Variants in PALS2 observed in about 807,000 individuals in gnomAD.
The protein encoded by PALS2 is protein PALS2.
PALS2 carries 27 observed loss-of-function variants against 61.6 expected under a neutral mutation model. That is an observed-to-expected ratio of 0.44 (90% CI 0.32 to 0.60). The LOEUF is 0.60. Ranked by LOEUF, PALS2 falls within the 20% of genes least tolerant of loss-of-function variation. The pLI is 0.05. For synonymous variants in PALS2, 236 were observed against 218.6 expected (o/e 1.08, Z -0.70); for missense variants, 554 against 639.4 (o/e 0.87, Z 1.44).
intron 5 of PALS2, 181 bp from the exon 6 acceptor site, chr7:24,663,402 ATCTTTCT>A (rs1786842328): frequency 2.2e-6 from 1 of 456,672 alleles, no homozygotes; most frequent in Non-Finnish European, 3.6e-6. Context: ...AAGTTTTATT[ATCTTTCT>A]GATACCAAAA....
At chr7:24,644,654 A>G (rs369483897) in intron 3 of PALS2, among the ~76,000 whole-genome samples, 4 of 152,202 alleles carry the variant, frequency 2.6e-5, no homozygotes, top group Admixed American at 6.5e-5. Flanking sequence ...TCCTCTGGGT[A>G]TATACCCAGT....
At chr7:24,623,472 TATTA>T (rs1784608725) in intron 1 of PALS2, among the ~76,000 whole-genome samples, 190 bp from the exon 2 acceptor site, 2 of 152,150 alleles carry the variant, frequency 1.3e-5, no homozygotes, top group East Asian at 1.9e-4. Flanking sequence ...TCTATCCTGC[TATTA>T]ATTCCTGGGA....
intron 1 of PALS2, among the ~76,000 whole-genome samples, chr7:24,579,771 GT>G (rs1782768492): frequency 6.6e-6 from 1 of 152,096 alleles, no homozygotes; most frequent in Non-Finnish European, 1.5e-5. Flanking sequence ...TTTATAAAAA[GT>G]GATTTTCAAT....
At position 24,671,476 on chromosome 7, in the gene PALS2, G is replaced by T. The variant is rs146806191; in HGVS notation, c.1114+2816G>T. ...GTATTAATATTTTCTCTCATTCTTT[G>T]TTGACTTCTCGTGTTTTTGATGGTG... On this transcript the variant is annotated intron_variant, in intron 9 of 11. Transcript: ENST00000222644. 4.0e-4 allele frequency among the ~76,000 whole-genome samples: 61 copies of T among 152,172 alleles called. 1 individual carries two copies. Among genetic ancestry groups the T allele is most frequent in the Middle Eastern group, 3.4e-3 (1 of 294 alleles).
At chr7:24,601,197 C>T (rs897816399) in intron 1 of PALS2, among the ~76,000 whole-genome samples, 1 of 152,092 alleles carries the variant, frequency 6.6e-6, no homozygotes, top group Non-Finnish European at 1.5e-5. Context: ...CTTCCAATCC[C>T]TCAGTTCTTT....
intron 5 of PALS2, among the ~76,000 whole-genome samples, chr7:24,654,112 T>G (rs1204026955): frequency 6.6e-6 from 1 of 152,136 alleles, no homozygotes; most frequent in African/African-American, 2.4e-5. Flanking sequence ...TCCAAGACCC[T>G]TGGACACTGC....
In PALS2 at chr7:24,690,528, A is replaced by G. The variant is rs558003210; in HGVS notation, c.*2914A>G. On this transcript the variant is annotated 3_prime_UTR_variant, in exon 12 of 12. Transcript: ENST00000222644. ...GTGTCCACATTTCAGCACTCAGGGC[A>G]TGACTGTACACAACCTAAGACTATA... The G allele has an allele frequency of 2.6e-5, 4 of 152,340 alleles. No individual in the cohort carries two copies. The South Asian group carries it at 8.3e-4, about 32-fold the overall frequency. 9.4% of individuals were successfully genotyped at this position (152,340 alleles called of 1,614,324 possible).
chr7:24,625,833 A>G (rs1335086161), intron 2 of PALS2, among the ~76,000 whole-genome samples: 1 of 152,186 alleles, frequency 6.6e-6, no homozygotes, highest in East Asian at 1.9e-4. Flanking sequence ...AATAAGGAAA[A>G]ACAATGGTAG....
chr7:24,636,797 T>G (rs1012350845), intron 2 of PALS2, among the ~76,000 whole-genome samples: 1 of 150,510 alleles, frequency 6.6e-6, no homozygotes, highest in African/African-American at 2.5e-5. Context: ...TAGAAGTCCT[T>G]CGTAAGTAGG....
At chr7:24,593,672 G>A (rs1783386691) in intron 1 of PALS2, among the ~76,000 whole-genome samples, 1 of 152,096 alleles carries the variant, frequency 6.6e-6, no homozygotes, top group Admixed American at 6.6e-5. Context: ...AGTTGTCAAT[G>A]AGCAGTAATA....
At chr7:24,577,178 A>G (rs907340319) in intron 1 of PALS2, among the ~76,000 whole-genome samples, 2 of 151,996 alleles carry the variant, frequency 1.3e-5, no homozygotes, top group African/African-American at 4.8e-5. Context: ...ACAGAACAAA[A>G]TTAGTTTCTA....
chr7:24,676,403 T>G (rs979708790), intron 9 of PALS2, among the ~76,000 whole-genome samples: 4 of 151,820 alleles, frequency 2.6e-5, no homozygotes, highest in Non-Finnish European at 2.9e-5. Flanking sequence ...GTCAATTTTG[T>G]CTTTTGTTGC....
rs115507298 is a variant in PALS2 at position 24,635,206 on chromosome 7, T to C, written c.118-6510T>C. On this transcript the variant is annotated intron_variant, in intron 2 of 11. Coordinates refer to ENST00000222644, the MANE Select transcript of PALS2 (RefSeq NM_001303037.2). Reference sequence around the variant, plus strand: ...ATGTCTTCTAATCCATAAACATTTATTTAAATCTTTAATTTCTTTCAACAA... The same window carrying C: ...ATGTCTTCTAATCCATAAACATTTACTTAAATCTTTAATTTCTTTCAACAA... 5.2e-3 allele frequency among the ~76,000 whole-genome samples: 792 copies of C among 152,344 alleles called. 7 individuals are homozygous for C. Among genetic ancestry groups the C allele is most frequent in the African/African-American group, 0.017 (724 of 41,582 alleles).
At chr7:24,591,255 C>G (rs1270992552) in intron 1 of PALS2, among the ~76,000 whole-genome samples, 1 of 152,016 alleles carries the variant, frequency 6.6e-6, no homozygotes, top group Non-Finnish European at 1.5e-5. Context: ...ATTTAACTGT[C>G]ATTTTAAGTT....
intron 2 of PALS2, among the ~76,000 whole-genome samples, chr7:24,629,824 A>G (rs560624390): frequency 9.8e-5 from 15 of 152,356 alleles, no homozygotes; most frequent in Admixed American, 2.6e-4. Context: ...AAAGTCTGGA[A>G]ACAACAGATA....
chr7:24,619,479 AG>A (rs139688212), intron 1 of PALS2, among the ~76,000 whole-genome samples: 5,913 of 152,196 alleles, frequency 0.039, 154 homozygotes, highest in Non-Finnish European at 0.058. Context: ...GCACTTTGGG[AG>A]GCCGAGGTGG....
chr7:24,617,931 T>A (rs1434808885), intron 1 of PALS2, among the ~76,000 whole-genome samples: 1 of 152,150 alleles, frequency 6.6e-6, no homozygotes, highest in Non-Finnish European at 1.5e-5. Context: ...ACTCGGCCAG[T>A]CTAGGGGCAT....
rs2128071636 is a variant in PALS2 at position 24,641,836 on chromosome 7, T to C, written c.238T>C (p.Leu80=). Residue 80 remains leucine, a synonymous_variant, in exon 3 of 12, where the codon TTG becomes CTG. Transcript: ENST00000222644. ...LINVDENVAE[L]VGILKEPHFQ... ...AAATGTGGATGAAAATGTGGCAGAATTGGTTGGTATACTCAAAGAACCTCA... is the reference window on the plus strand; with the variant it reads ...AAATGTGGATGAAAATGTGGCAGAACTGGTTGGTATACTCAAAGAACCTCA... 1 of 1,613,172 alleles carries C rather than the reference T, an allele frequency of 6.2e-7. No homozygotes were observed. Among genetic ancestry groups the C allele is most frequent in the Non-Finnish European group, 8.5e-7 (1 of 1,179,714 alleles).
intron 1 of PALS2, among the ~76,000 whole-genome samples, chr7:24,612,939 A>G (rs909287887): frequency 2.6e-5 from 4 of 151,874 alleles, no homozygotes; most frequent in African/African-American, 9.7e-5. Flanking sequence ...TGCTTCCTAT[A>G]GAACCTGGTA....
Sources: gnomAD v4.1 joint callset for allele counts (sites outside exome capture counted in the v4.1 genomes callset) on GRCh38, gnomAD v4.1.1 for gene constraint, MANE v1.5 for transcripts, NCBI Gene and HGNC (gene_info 2026-07-23, HGNC 2026-07-21) for gene names.